The following ABCC11 variants were observed in gnomAD, a reference collection of about 807,000 sequenced individuals.
The protein encoded by ABCC11 is ATP-binding cassette sub-family C member 11.
In ABCC11, 135 loss-of-function variants were observed where a neutral mutation model predicts 149.3. The ratio of observed to expected loss-of-function variants is 0.90; its 90% CI spans 0.79 to 1.04. The LOEUF is 1.04. Ranked by LOEUF, ABCC11 falls within the 50% of genes least tolerant of loss-of-function variation. The pLI, the probability that ABCC11 is intolerant of heterozygous loss-of-function variation, is 0.00. For missense variants in ABCC11, 1,680 were observed against 1,722.1 expected (o/e 0.98, Z 0.43); for synonymous variants, 665 against 671.4 (o/e 0.99, Z 0.15).
In ABCC11 at chr16:48,247,524, C is replaced by G. The variant is rs1466297764; in HGVS notation, c.-229G>C. 2 of 12,438 alleles carry G rather than the reference C, an allele frequency of 1.6e-4. No homozygotes were observed. Among genetic ancestry groups the G allele is most frequent in the South Asian group, 3.2e-3 (1 of 314 alleles). The allele number at this position is 12,438 out of a possible 1,614,324, so 0.8% of individuals were successfully genotyped here. ...TGGTTTTGAGTAGTACAGTCCCTTTCTGCACGTTAGTGTGCAGGCATGTTG... is the reference window on the plus strand; with the variant it reads ...TGGTTTTGAGTAGTACAGTCCCTTTGTGCACGTTAGTGTGCAGGCATGTTG... On this transcript the variant is annotated 5_prime_UTR_variant, in exon 1 of 30. Transcript: ENST00000356608.
At chr16:48,182,151 T>C (rs1372121614) in intron 23 of ABCC11, among the ~76,000 whole-genome samples, 6 of 152,226 alleles carry the variant, frequency 3.9e-5, no homozygotes, top group Non-Finnish European at 7.3e-5. Flanking sequence ...GACTGATACA[T>C]GTGCTCATGG....
rs9931267 is a variant in ABCC11 at position 48,246,044 on chromosome 16, G to C, written c.-19+1270C>G. 4.3e-3 allele frequency among the ~76,000 whole-genome samples: 655 copies of C among 152,176 alleles called. 4 individuals are homozygous for C. Among genetic ancestry groups the C allele is most frequent in the African/African-American group, 0.015 (620 of 41,506 alleles). On this transcript the variant is annotated intron_variant, in intron 1 of 29. Coordinates refer to ENST00000356608, the MANE Select transcript of ABCC11 (RefSeq NM_001370497.1). ...GTCTTATTTTTCCTCAAAATCTTGTGACTATGTACATTTTTTTAGGAGAAT... is the reference window on the plus strand; with the variant it reads ...GTCTTATTTTTCCTCAAAATCTTGTCACTATGTACATTTTTTTAGGAGAAT...
chr16:48,200,318 T>C lies in ABCC11; in HGVS notation c.2040A>G (p.Thr680=), dbSNP rs1967841870. 6.2e-7 allele frequency: 1 copy of C among 1,614,150 alleles called. No homozygotes were observed. The highest frequency in any genetic ancestry group is 8.5e-7 in the Non-Finnish European group (1 of 1,180,014). The stretch of plus-strand genomic sequence containing the variant: ...CCAGGACGACCGTCTTCCCCCTGAG[T>C]GTCTTCTTAATGCACTCCTCAAAAA... ...KHIFEECIKK[T]LRGKTVVLVT... The change falls in exon 15 of 30, where the codon ACA becomes ACG. Residue 680 remains threonine (T), a synonymous_variant. Coordinates refer to ENST00000356608, the MANE Select transcript of ABCC11 (RefSeq NM_001370497.1).
chr16:48,197,036 A>C (rs1201164300), intron 17 of ABCC11, among the ~76,000 whole-genome samples: 3 of 146,914 alleles, frequency 2.0e-5, no homozygotes, highest in African/African-American at 7.5e-5. Context: ...AAAAAGCCTC[A>C]GTTGGTGGCC....
chr16:48,243,341 G>T (rs1304896699), intron 1 of ABCC11, among the ~76,000 whole-genome samples: 1 of 149,368 alleles, frequency 6.7e-6, no homozygotes, highest in Non-Finnish European at 1.5e-5. Flanking sequence ...GGCGGAGCTT[G>T]CAGTGAGCCG....
At chr16:48,235,072 G>A (rs944017343) in intron 1 of ABCC11, 2 of 152,178 alleles carry the variant, frequency 1.3e-5, no homozygotes, top group Non-Finnish European at 2.9e-5. Flanking sequence ...CAGCAAGTGG[G>A]GGATCATGAG....
At chr16:48,240,506 C>A (rs765109149) in intron 1 of ABCC11, among the ~76,000 whole-genome samples, 1 of 151,800 alleles carries the variant, frequency 6.6e-6, no homozygotes, top group Non-Finnish European at 1.5e-5. Flanking sequence ...GGGGGAACAA[C>A]ACAATGTGGC....
intron 20 of ABCC11, among the ~76,000 whole-genome samples, chr16:48,188,461 A>G (rs757936312): frequency 3.0e-4 from 45 of 152,322 alleles, no homozygotes; most frequent in Middle Eastern, 3.4e-3. Context: ...TGGGTTGCAC[A>G]CGATTTGGAC....
chr16:48,206,524 C>A (rs1240501276), intron 12 of ABCC11, among the ~76,000 whole-genome samples: 1 of 152,202 alleles, frequency 6.6e-6, no homozygotes, highest in African/African-American at 2.4e-5. Context: ...CATTCTTAAT[C>A]CTTTCTCTTT....
chr16:48,167,367 C>G lies in ABCC11; in HGVS notation c.4057-1G>C. 4 of 1,383,328 alleles carry G rather than the reference C, an allele frequency of 2.9e-6. No homozygotes were observed. The highest frequency in any genetic ancestry group is 4.1e-6 in the Non-Finnish European group (4 of 969,378). 85.7% of individuals were successfully genotyped at this position (1,383,328 alleles called of 1,614,324 possible). ...CCTCCGGCCGATCAAATTCTACCAC[C>G]TGGAGGGTAGAGAAAGGCGAGGGGA... On this transcript the variant is annotated splice_acceptor_variant, in intron 29 of 29. Transcript: ENST00000356608. LOFTEE classifies it high-confidence loss of function.
In ABCC11 at chr16:48,222,795, C is replaced by G. The variant is rs756384408; in HGVS notation, c.580G>C (p.Glu194Gln). The change falls in exon 6 of 30, where the codon GAG (glutamate) becomes CAG (glutamine). Residue 194 changes from glutamate (E) to glutamine (Q), a missense_variant. By Grantham distance (29) the Glu-to-Gln change is conservative. Coordinates refer to ENST00000356608, the MANE Select transcript of ABCC11 (RefSeq NM_001370497.1). ...CCATGGACAACATTCCCCAACTGCT[C>G]TTCTGAATATTCCAGGATCTTTGGT... is the stretch of plus-strand genomic sequence containing the variant. ...IIPKILEYSEEQLGNVVHGVG... is the reference protein window; with the variant it reads ...IIPKILEYSEQQLGNVVHGVG... 8.7e-6 allele frequency: 14 copies of G among 1,614,162 alleles called. 1 individual carries two copies. The Admixed American group carries it at 2.3e-4, about 27-fold the overall frequency.
At position 48,176,903 on chromosome 16, in the gene ABCC11, C is replaced by T. The variant is rs202078215; in HGVS notation, c.3538+21G>A. The T allele has an allele frequency of 6.1e-5, 98 of 1,609,844 alleles. No homozygotes were observed. In the East Asian group the frequency reaches 2.0e-3, roughly 33 times the overall value. ...GGGCAAAGGAGGAGCTGGGGACGCT[C>T]GCCCAGGAAGCTCAGCTCACCAGAG... On this transcript the variant is annotated intron_variant, in intron 25 of 29. Coordinates refer to ENST00000356608, the MANE Select transcript of ABCC11 (RefSeq NM_001370497.1).
chr16:48,236,429 A>G (rs1318458491), intron 1 of ABCC11, among the ~76,000 whole-genome samples: 1 of 152,100 alleles, frequency 6.6e-6, no homozygotes, highest in African/African-American at 2.4e-5. Flanking sequence ...TCCTTTACTC[A>G]TCACATTCTG....
At position 48,198,657 on chromosome 16, in the gene ABCC11, G is replaced by C. The variant is rs1269378542; in HGVS notation, c.2083-382C>G. ...GAAGTATTTTTTTTTTTTTTTTGTAGAAGTGAAAAATAAGAAACAACTGTT... is the reference window on the plus strand; with the variant it reads ...GAAGTATTTTTTTTTTTTTTTTGTACAAGTGAAAAATAAGAAACAACTGTT... On this transcript the variant is annotated intron_variant, in intron 15 of 29. Coordinates refer to ENST00000356608, the MANE Select transcript of ABCC11 (RefSeq NM_001370497.1). Among the ~76,000 whole-genome samples the C allele has an allele frequency of 2.0e-5, 3 of 147,212 alleles. No homozygotes were observed. In the South Asian group the frequency reaches 6.4e-4, roughly 31 times the overall value.
At position 48,203,192 on chromosome 16, in the gene ABCC11, C is replaced by T. The variant is rs943583017; in HGVS notation, c.1878+36G>A. The T allele has an allele frequency of 2.6e-6, 4 of 1,531,142 alleles. No homozygotes were observed. The African/African-American group carries it at 5.5e-5, about 21-fold the overall frequency. The allele number at this position is 1,531,142 out of a possible 1,614,324, so 94.8% of individuals were successfully genotyped here. ...GGCAGCATGAACATAAGAGCACCAA[C>T]ATTACACAGAGAAGGCAGGCTCGCC... On this transcript the variant is annotated intron_variant, in intron 14 of 29. Coordinates refer to ENST00000356608, the MANE Select transcript of ABCC11 (RefSeq NM_001370497.1).
rs774862360 is a variant in ABCC11, at chr16:48,227,895, C to T, written c.306G>A (p.Pro102=). ...GACTCCGTAAGCTTTGGATCATGAG[C>T]GGGGTGAGCCATGACACGGTGAGGT... ...FSYLTVSWLT[P]LMIQSLRSRL... Residue 102 remains proline, a synonymous_variant, in exon 4 of 30, where the codon CCG becomes CCA. Coordinates refer to ENST00000356608, the MANE Select transcript of ABCC11 (RefSeq NM_001370497.1). The T allele has an allele frequency of 1.4e-5, 22 of 1,613,928 alleles. No individual in the cohort carries two copies. The highest frequency in any genetic ancestry group is 2.2e-5 in the East Asian group (1 of 44,866).
At chr16:48,220,042 T>G (rs1022475707) in intron 6 of ABCC11, among the ~76,000 whole-genome samples, 271 of 152,346 alleles carry the variant, frequency 1.8e-3, no homozygotes, top group African/African-American at 6.2e-3. Context: ...CTAGAAATCC[T>G]TACTTCAGAA....
At chr16:48,202,937 A>G (rs574216493) in intron 14 of ABCC11, among the ~76,000 whole-genome samples, 1 of 152,328 alleles carries the variant, frequency 6.6e-6, no homozygotes, top group East Asian at 1.9e-4. Flanking sequence ...AGGGCGATGC[A>G]GCGTTTCTCA....
intron 12 of ABCC11, among the ~76,000 whole-genome samples, chr16:48,206,166 C>A (rs1227076322): frequency 6.6e-6 from 1 of 152,176 alleles, no homozygotes; most frequent in Non-Finnish European, 1.5e-5. Flanking sequence ...ACCATGCACA[C>A]CAAAAGTTCC....
Sources: allele counts gnomAD v4.1 joint callset (sites outside exome capture counted in the v4.1 genomes callset), GRCh38; gene constraint gnomAD v4.1.1; transcripts MANE v1.5; gene names NCBI Gene and HGNC (gene_info 2026-07-23, HGNC 2026-07-21).